Variants in ZNF563 observed in about 807,000 individuals in gnomAD.
ZNF563 encodes the protein zinc finger protein 563.
In ZNF563, 39 loss-of-function variants were observed where a neutral mutation model predicts 48.5. That is an observed-to-expected ratio of 0.80 (90% CI 0.62 to 1.05). The LOEUF (loss-of-function observed/expected upper bound fraction) is 1.05. ZNF563 is among the 50% of genes least tolerant of loss of function. The pLI is 0.00. For synonymous variants in ZNF563, 168 were observed against 187.9 expected, an observed-to-expected ratio of 0.89 and a Z score of 0.87; for missense variants, 538 against 597.0, an observed-to-expected ratio of 0.90 and a Z score of 1.03.
In ZNF563 at chr19:12,319,076, T is replaced by C. The variant is rs549539213; in HGVS notation, c.949A>G (p.Thr317Ala). 2.5e-6 allele frequency: 4 copies of C among 1,614,076 alleles called. No homozygotes were observed. The highest frequency in any genetic ancestry group is 3.4e-6 in the Non-Finnish European group (4 of 1,179,996). The change falls in exon 4 of 4, where the codon ACA becomes GCA. Residue 317 changes from threonine to alanine, a missense_variant. By Grantham distance (58) the Thr-to-Ala change is moderately conservative. Transcript: ENST00000293725. ...TGAAAGCTTCCAAGATGATGAAATG[T>C]TTTCCCGCATTGCTTACACTCATAG... ...KPYECKQCGK[T>A]FHHLGSFQIH...
chr19:12,339,228 G>A, the ZNF563 span, among the ~76,000 whole-genome samples: 1 of 151,508 alleles, frequency 6.6e-6, no homozygotes, highest in Non-Finnish European at 1.5e-5. Flanking sequence ...GGTTATACTG[G>A]CCGATGTCCT....
chr19:12,324,995 C>T (rs1227483067), intron 1 of ZNF563: 6 of 152,154 alleles, frequency 3.9e-5, no homozygotes, highest in African/African-American at 7.2e-5. Flanking sequence ...GAAAGCAGAT[C>T]AGATGTTATT....
rs532399958 is a variant in ZNF563, at chr19:12,322,344, G to T, written c.130+241C>A. Among the ~76,000 whole-genome samples, 11 of 152,288 alleles carry T rather than the reference G, an allele frequency of 7.2e-5. No homozygotes were observed. In the East Asian group the frequency reaches 2.1e-3, roughly 29 times the overall value. ...GCTGGGATTACAGGTGTGAGCCACC[G>T]TGCCCAGCCAGTCAACTGTTTATGT... On this transcript the variant is annotated intron_variant, in intron 2 of 3. Coordinates refer to ENST00000293725, the MANE Select transcript of ZNF563 (RefSeq NM_145276.3).
At position 12,317,949 on chromosome 19, in the gene ZNF563, A is replaced by G; in HGVS notation, c.*645T>C. 5.2e-6 allele frequency: 1 copy of G among 192,910 alleles called. No homozygotes were observed. 11.9% of individuals were successfully genotyped at this position (192,910 alleles called of 1,614,324 possible). A position where few individuals can be genotyped will look rare whatever the true frequency, so the allele number is the denominator to read the frequency against. ...CTATGCAAGGACCTGAGAGAACTCA[A>G]TGCTTTTCTACATTTCTTACATTCA... On this transcript the variant is annotated 3_prime_UTR_variant, in exon 4 of 4. Transcript: ENST00000293725.
chr19:12,339,273 C>CT, the ZNF563 span, among the ~76,000 whole-genome samples: 4,876 of 86,456 alleles, frequency 0.056, 157 homozygotes, highest in Non-Finnish European at 0.079. Flanking sequence ...CAGTTGATTT[C>CT]TTTTTTTTTT....
At chr19:12,334,252 C>T (rs1429799671), upstream of ZNF563, among the ~76,000 whole-genome samples, 2 of 151,928 alleles carry the variant, frequency 1.3e-5, no homozygotes, top group Non-Finnish European at 2.9e-5. Context: ...AATCACACGG[C>T]AGCAATAAAT....
the ZNF563 span, among the ~76,000 whole-genome samples, chr19:12,343,748 T>TTTG: frequency 6.9e-6 from 1 of 144,070 alleles, no homozygotes; most frequent in South Asian, 2.2e-4. Context: ...TTTTTTTTTT[T>TTTG]GAGATGGAGT....
Position 12,328,626 on chromosome 19 carries a change from C to A in ZNF563, c.3+4854G>T, listed in dbSNP as rs182677460. ...CGTGTCTACTAAAAATACAAATAGCCGGGCATGGTGGCACATGCCTGTAAT... is the reference window on the plus strand; with the variant it reads ...CGTGTCTACTAAAAATACAAATAGCAGGGCATGGTGGCACATGCCTGTAAT... On this transcript the variant is annotated intron_variant, in intron 1 of 3. Transcript: ENST00000293725. 3.1e-3 allele frequency among the ~76,000 whole-genome samples: 478 copies of A among 152,032 alleles called. 1 individual carries two copies. The highest frequency in any genetic ancestry group is 4.5e-3 in the Non-Finnish European group (307 of 67,972).
chr19:12,328,381 A>G (rs1296188013), intron 1 of ZNF563, among the ~76,000 whole-genome samples: 1 of 152,222 alleles, frequency 6.6e-6, no homozygotes, highest in Non-Finnish European at 1.5e-5. Context: ...TTGAGGCAAG[A>G]AGATTGCTTG....
Position 12,333,575 on chromosome 19 carries a change from G to C in ZNF563, c.-93C>G. ...ACAGAGGCTGCCACAGACGTTCCAG[G>C]GCGTCTCTCAGCGACTGAGGCTACA... On this transcript the variant is annotated 5_prime_UTR_variant, in exon 1 of 4. Transcript: ENST00000293725. The C allele has an allele frequency of 6.4e-7, 1 of 1,563,144 alleles. No individual in the cohort carries two copies. The highest frequency in any genetic ancestry group is 8.7e-7 in the Non-Finnish European group (1 of 1,146,114).
At chr19:12,325,099 C>G (rs993203767) in intron 1 of ZNF563, 1 of 152,120 alleles carries the variant, frequency 6.6e-6, no homozygotes, top group African/African-American at 2.4e-5. Flanking sequence ...ACAATGGAAT[C>G]CAGTTAGGGT....
chr19:12,330,826 C>T (rs1968901450), intron 1 of ZNF563, among the ~76,000 whole-genome samples: 1 of 152,156 alleles, frequency 6.6e-6, no homozygotes, highest in Non-Finnish European at 1.5e-5. Flanking sequence ...TGGTTCTCTA[C>T]CTTTCTCATA....
In ZNF563 at chr19:12,328,786, T is replaced by TAATA. The variant is rs565783813; in HGVS notation, c.3+4690_3+4693dup. On this transcript the variant is annotated intron_variant, in intron 1 of 3. Transcript: ENST00000293725. ...CTCCATCTCAAAATAAATAAATAAA[T>TAATA]AATAAATAAATAAATAAAAGAAATT... Among the ~76,000 whole-genome samples, 139 of 151,152 alleles carry TAATA rather than the reference T, an allele frequency of 9.2e-4. 4 individuals are homozygous for TAATA. The South Asian group carries it at 0.015, about 17-fold the overall frequency.
At chr19:12,327,471 A>G (rs1215070316) in intron 1 of ZNF563, among the ~76,000 whole-genome samples, 4 of 151,518 alleles carry the variant, frequency 2.6e-5, no homozygotes, top group African/African-American at 7.3e-5. Flanking sequence ...AAAAAAAAAA[A>G]AAAAGAAAAG....
rs541481825 is a variant in ZNF563, at chr19:12,326,057, A to G, written c.4-3346T>C. ...GCACACAAAATTAGGAAAAATAGAG[A>G]GAAACATGAAAATATGGCTCATCAA... On this transcript the variant is annotated intron_variant, in intron 1 of 3. Coordinates refer to ENST00000293725, the MANE Select transcript of ZNF563 (RefSeq NM_145276.3). Among the ~76,000 whole-genome samples the G allele has an allele frequency of 7.9e-5, 12 of 152,322 alleles. No individual in the cohort carries two copies. The South Asian group carries it at 2.5e-3, about 32-fold the overall frequency.
the ZNF563 span, among the ~76,000 whole-genome samples, chr19:12,339,607 G>A: frequency 4.3e-4 from 65 of 152,060 alleles, no homozygotes; most frequent in Middle Eastern, 3.4e-3. Flanking sequence ...TATCAAAATA[G>A]CCACTCTATA....
upstream of ZNF563, among the ~76,000 whole-genome samples, chr19:12,337,535 A>G (rs1450479286): frequency 6.6e-6 from 1 of 152,178 alleles, no homozygotes; most frequent in Non-Finnish European, 1.5e-5. Context: ...AAGGCTTTTA[A>G]AAATGGTTTT....
upstream of ZNF563, among the ~76,000 whole-genome samples, chr19:12,334,868 C>CA (rs35412288): frequency 0.077 from 3,451 of 44,906 alleles, 426 homozygotes; most frequent in East Asian, 0.11. Context: ...GACCTGGTCT[C>CA]AAAAAAAAAA....
upstream of ZNF563, among the ~76,000 whole-genome samples, chr19:12,337,327 C>T (rs28496376): frequency 0.037 from 5,568 of 152,082 alleles, 340 homozygotes; most frequent in African/African-American, 0.13. Flanking sequence ...CTCAGCCTCC[C>T]GAGAGGCTGG....
Sources: allele counts gnomAD v4.1 joint callset (sites outside exome capture counted in the v4.1 genomes callset), GRCh38; gene constraint gnomAD v4.1.1; transcripts MANE v1.5; gene names NCBI Gene and HGNC (gene_info 2026-07-23, HGNC 2026-07-21).